The following LRP1 variants were observed in gnomAD, a reference collection of about 807,000 sequenced individuals.
The protein encoded by LRP1 is LDL receptor related protein 1.
LRP1 carries 51 observed loss-of-function variants against 541.5 expected under a neutral mutation model. The ratio of observed to expected loss-of-function variants is 0.09; its 90% CI spans 0.08 to 0.12. The LOEUF (loss-of-function observed/expected upper bound fraction) is 0.12. Ranked by LOEUF, LRP1 falls within the 10% of genes least tolerant of loss-of-function variation. LRP1 has a pLI of 1.00. For missense variants in LRP1, 3,878 were observed against 6,376.2 expected (o/e 0.61, Z 13.34); for synonymous variants, 2,219 against 2,470.8 (o/e 0.90, Z 3.02).
In LRP1 at chr12:57,201,190, G is replaced by C. The variant is rs1170739120; in HGVS notation, c.10345+37G>C. ...AGGTGGTGGTGGGCCGGTGGTGGGA[G>C]ATGACACGGAAGCAGGGCAGGCAGA... On this transcript the variant is annotated intron_variant, in intron 65 of 88. Coordinates refer to ENST00000243077, the MANE Select transcript of LRP1 (RefSeq NM_002332.3). The surrounding 1 kb of genome is among the most constrained non-coding windows in gnomAD (Gnocchi z 6.4). 1 of 1,611,722 alleles carries C rather than the reference G, an allele frequency of 6.2e-7. No individual in the cohort carries two copies. The highest frequency in any genetic ancestry group is 1.1e-5 in the South Asian group (1 of 90,934).
At chr12:57,202,343 C>T in intron 67 of LRP1, 78 bp from the exon 68 acceptor site, 1 of 1,171,080 alleles carries the variant, frequency 8.5e-7, no homozygotes, top group Non-Finnish European at 1.3e-6. Context: ...CCTGCCAGGC[C>T]AGCCTGACCA....
Position 57,177,551 on chromosome 12 carries a change from G to T in LRP1, c.4321G>T (p.Val1441Leu). ...TGGGGGCTGGCCCAACGGGCTCACC[G>T]TGGACTACCTGGAGAAGCGCATCCT... is the stretch of plus-strand genomic sequence containing the variant. ...GSGGWPNGLT[V>L]DYLEKRILWI... The change falls in exon 26 of 89, where the codon GTG becomes TTG. Residue 1441 changes from valine to leucine, a missense_variant. Transcript: ENST00000243077. The surrounding 1 kb of genome is among the most constrained non-coding windows in gnomAD (Gnocchi z 6.8). 6.2e-7 allele frequency: 1 copy of T among 1,613,944 alleles called. No individual in the cohort carries two copies. The highest frequency in any genetic ancestry group is 8.5e-7 in the Non-Finnish European group (1 of 1,179,986).
rs2136709501 is a variant in LRP1 at position 57,184,076 on chromosome 12, C to T, written c.5930-9C>T. ...TAACCTCCCTGAGCCCCACCAACTC[C>T]CTCCTTAGGCAACATCTACTGGACA... On this transcript the variant is annotated splice_polypyrimidine_tract_variant and intron_variant, in intron 36 of 88. Coordinates refer to ENST00000243077, the MANE Select transcript of LRP1 (RefSeq NM_002332.3). The surrounding 1 kb of genome is among the most constrained non-coding windows in gnomAD (Gnocchi z 7.8). The T allele has an allele frequency of 6.2e-7, 1 of 1,612,462 alleles. No homozygotes were observed. The highest frequency in any genetic ancestry group is 8.5e-7 in the Non-Finnish European group (1 of 1,178,986).
In LRP1 at chr12:57,193,567, C is replaced by G; in HGVS notation, c.7686C>G (p.Asn2562Lys). Residue 2562 changes from asparagine (N) to lysine (K), a missense_variant and splice_region_variant, in exon 47 of 89, where the codon AAC becomes AAG. By Grantham distance (94) the Asn-to-Lys change is moderately conservative. Transcript: ENST00000243077. ...DKSDEKPSYC[N>K]SRRCKKTFRQ... ...CGCAGCCTACTCCTCCATTTGCAGA[C>G]TCCCGCCGCTGCAAGAAGACTTTCC... 6.2e-7 allele frequency: 1 copy of G among 1,613,576 alleles called. No homozygotes were observed.
In LRP1 at chr12:57,193,275, A is replaced by ACAAGTC. The variant is rs2036455728; in HGVS notation, c.7657_7662dup (p.Lys2553_Ser2554dup). 1 of 1,613,472 alleles carries ACAAGTC rather than the reference A, an allele frequency of 6.2e-7. No individual in the cohort carries two copies. Among genetic ancestry groups the ACAAGTC allele is most frequent in the Admixed American group, 1.7e-5 (1 of 60,010 alleles). ...TGCGACGGCGTCCCCCACTGCAAGG[A>ACAAGTC]CAAGTCCGATGAGAAGCCATCCTAC... On this transcript the variant is annotated inframe_insertion, in exon 46 of 89. Coordinates refer to ENST00000243077, the MANE Select transcript of LRP1 (RefSeq NM_002332.3).
At chr12:57,192,820 C>G in intron 44 of LRP1, 25 bp from the exon 45 acceptor site, 1 of 1,613,944 alleles carries the variant, frequency 6.2e-7, no homozygotes. Flanking sequence ...CTCTCCAGCC[C>G]TGCGCCCACC....
Position 57,202,561 on chromosome 12 carries a change from C to A in LRP1, c.10711+24C>A, listed in dbSNP as rs759673616. On this transcript the variant is annotated intron_variant, in intron 68 of 88. Transcript: ENST00000243077. ...CAGTACGTCCCCACCCACCCAGCCC[C>A]GCATGAGCCCCTCCCAGGCCTGGCC... 49 of 1,510,906 alleles carry A rather than the reference C, an allele frequency of 3.2e-5. No homozygotes were observed. The Admixed American group carries it at 9.0e-4, about 28-fold the overall frequency. The allele number at this position is 1,510,906 out of a possible 1,614,324, so 93.6% of individuals were successfully genotyped here.
At position 57,162,235 on chromosome 12, in the gene LRP1, C is replaced by T; in HGVS notation, c.2203-82C>T. Reference sequence around the variant, plus strand: ...GCAAAACCCATGCCCAGGACATAGACAAATGAATGTACAAAACAGTGATCT... The same window carrying T: ...GCAAAACCCATGCCCAGGACATAGATAAATGAATGTACAAAACAGTGATCT... On this transcript the variant is annotated intron_variant, in intron 13 of 88. Coordinates refer to ENST00000243077, the MANE Select transcript of LRP1 (RefSeq NM_002332.3). This position sits in a 1 kb window ranked among gnomAD's most constrained non-coding sequence, Gnocchi z 5.2. 1 of 1,208,028 alleles carries T rather than the reference C, an allele frequency of 8.3e-7. No individual in the cohort carries two copies. The highest frequency in any genetic ancestry group is 1.2e-6 in the Non-Finnish European group (1 of 815,990). 74.8% of individuals were successfully genotyped at this position (1,208,028 alleles called of 1,614,324 possible). A position where few individuals can be genotyped will look rare whatever the true frequency, so the allele number is the denominator to read the frequency against.
intron 42 of LRP1, among the ~76,000 whole-genome samples, chr12:57,190,440 A>C (rs1484713404): frequency 6.6e-6 from 1 of 152,234 alleles, no homozygotes; most frequent in African/African-American, 2.4e-5. Context: ...GGCACAGGGC[A>C]GTTGAGTAAG....
chr12:57,202,648 G>A (rs2036681944), intron 68 of LRP1, 111 bp downstream of exon 68: 2 of 807,584 alleles, frequency 2.5e-6, no homozygotes, highest in Non-Finnish European at 4.1e-6. Flanking sequence ...CCCAGGGTGG[G>A]GGCAGGAGCC....
In LRP1 at chr12:57,156,349, T is replaced by C; in HGVS notation, c.1417+66T>C. On this transcript the variant is annotated intron_variant, in intron 9 of 88. Transcript: ENST00000243077. The surrounding 1 kb of genome is among the most constrained non-coding windows in gnomAD (Gnocchi z 5.2). ...CCATGATGGCTCTGGGACCTTGGGA[T>C]CACAGCCCCTCTCTGGGCCCTCCTG... 5 of 1,500,246 alleles carry C rather than the reference T, an allele frequency of 3.3e-6. No individual in the cohort carries two copies. The highest frequency in any genetic ancestry group is 4.5e-6 in the Non-Finnish European group (5 of 1,100,636). The allele number at this position is 1,500,246 out of a possible 1,614,324, so 92.9% of individuals were successfully genotyped here. A position where few individuals can be genotyped will look rare whatever the true frequency, so the allele number is the denominator to read the frequency against.
rs1565735152 is a variant in LRP1 at position 57,177,671 on chromosome 12, TGATGAGAAG to T, written c.4361+83_4361+91del. 36 of 1,493,842 alleles carry T rather than the reference TGATGAGAAG, an allele frequency of 2.4e-5. No individual in the cohort carries two copies. Among genetic ancestry groups the T allele is most frequent in the Non-Finnish European group, 3.3e-5 (36 of 1,091,410 alleles). The allele number at this position is 1,493,842 out of a possible 1,614,324, so 92.5% of individuals were successfully genotyped here. ...GGGGAGGAACCTGTGGTGATGAGGG[TGATGAGAAG>T]GACCAAGGGATCTAGAACTAGGAAC... On this transcript the variant is annotated intron_variant, in intron 26 of 88. Coordinates refer to ENST00000243077, the MANE Select transcript of LRP1 (RefSeq NM_002332.3). The surrounding 1 kb of genome is among the most constrained non-coding windows in gnomAD (Gnocchi z 6.8).
chr12:57,158,572 A>G lies in LRP1; in HGVS notation c.1732A>G (p.Thr578Ala). Residue 578 changes from threonine to alanine, a missense_variant, in exon 11 of 89, where the codon ACC becomes GCC. By Grantham distance (58) the Thr-to-Ala change is moderately conservative. Around this residue, in one of 13 missense-constraint regions of LRP1, gnomAD observed 496 missense variants for 861.0 expected, o/e 0.58. Transcript: ENST00000243077. The surrounding 1 kb of genome is among the most constrained non-coding windows in gnomAD (Gnocchi z 5.3). ...AETGFIYFAD[T>A]TSYLIGRQKI... ...GACCGGCTTCATCTACTTTGCCGAC[A>G]CCACCAGCTACCTCATTGGCCGCCA... The G allele has an allele frequency of 6.2e-7, 1 of 1,614,116 alleles. No individual in the cohort carries two copies. Among genetic ancestry groups the G allele is most frequent in the African/African-American group, 1.3e-5 (1 of 75,018 alleles).
chr12:57,198,020 C>T, intron 58 of LRP1, 136 bp from the exon 59 acceptor site: 1 of 734,932 alleles, frequency 1.4e-6, no homozygotes, highest in Non-Finnish European at 2.2e-6. Flanking sequence ...GGGCATTTTA[C>T]TTCCATGGTT....
At position 57,154,442 on chromosome 12, in the gene LRP1, A is replaced by G; in HGVS notation, c.1005-37A>G. 4 of 1,607,690 alleles carry G rather than the reference A, an allele frequency of 2.5e-6. No homozygotes were observed. The highest frequency in any genetic ancestry group is 1.1e-5 in the South Asian group (1 of 90,806). The stretch of plus-strand genomic sequence containing the variant: ...GGCTACAGTGGTAAGGAGGGTGCCC[A>G]ATGTCCAGACCCCATTTAACATGCA... On this transcript the variant is annotated intron_variant, in intron 7 of 88. Coordinates refer to ENST00000243077, the MANE Select transcript of LRP1 (RefSeq NM_002332.3). The surrounding 1 kb of genome is among the most constrained non-coding windows in gnomAD (Gnocchi z 4.6).
chr12:57,191,180 C>T, intron 43 of LRP1, 140 bp from the exon 44 acceptor site: 5 of 1,108,888 alleles, frequency 4.5e-6, no homozygotes, highest in Admixed American at 2.3e-5. Context: ...TGCTCCTCAT[C>T]AGCTAGACGA....
At position 57,198,667 on chromosome 12, in the gene LRP1, G is replaced by T. The variant is rs775957964; in HGVS notation, c.9673G>T (p.Val3225Phe). 1.2e-6 allele frequency: 2 copies of T among 1,606,010 alleles called. No homozygotes were observed. Residue 3225 changes from valine to phenylalanine, a missense_variant, in exon 60 of 89, where the codon GTT (valine) becomes TTT (phenylalanine). Transcript: ENST00000243077. ...FASLDGSNRH[V>F]VLSQDIPHIF... is the part of the protein sequence containing the mutation. ...CAGCCTGGATGGCTCCAATCGCCAC[G>T]TTGGTCAGTGTGCCAGTGAGGCTGT...
At chr12:57,191,795 A>G (rs1239094314) in intron 44 of LRP1, among the ~76,000 whole-genome samples, 4 of 68,054 alleles carry the variant, frequency 5.9e-5, no homozygotes, top group Admixed American at 1.6e-4. Context: ...CACACACCAC[A>G]CATATCACAT....
In LRP1 at chr12:57,179,142, C is replaced by A; in HGVS notation, c.4738+121C>A. On this transcript the variant is annotated intron_variant, in intron 28 of 88. Transcript: ENST00000243077. This position sits in a 1 kb window ranked among gnomAD's most constrained non-coding sequence, Gnocchi z 6.8. The stretch of plus-strand genomic sequence containing the variant: ...GTCGGGAGGGTCCCGATAGGAGAGG[C>A]TCCAGAGACAGCCACTGTGAGAAGG... 1 of 1,395,716 alleles carries A rather than the reference C, an allele frequency of 7.2e-7. No individual in the cohort carries two copies. Among genetic ancestry groups the A allele is most frequent in the Non-Finnish European group, 9.7e-7 (1 of 1,033,784 alleles). The allele number at this position is 1,395,716 out of a possible 1,614,324, so 86.5% of individuals were successfully genotyped here. A position where few individuals can be genotyped will look rare whatever the true frequency, so the allele number is the denominator to read the frequency against.
Sources: allele counts gnomAD v4.1 joint callset (sites outside exome capture counted in the v4.1 genomes callset), GRCh38; gene constraint gnomAD v4.1.1; regional missense constraint gnomAD v4.1.1; non-coding constraint Gnocchi (gnomAD v3.1); transcripts MANE v1.5; gene names NCBI Gene and HGNC (gene_info 2026-07-23, HGNC 2026-07-21).